The following USP33 variants were observed in gnomAD, a reference collection of about 807,000 sequenced individuals.
USP33 encodes ubiquitin specific peptidase 33.
In USP33, 46 loss-of-function variants were observed where a neutral mutation model predicts 124.2. The ratio of observed to expected loss-of-function variants is 0.37; its 90% confidence interval spans 0.29 to 0.47. The LOEUF (loss-of-function observed/expected upper bound fraction) is 0.47, where lower values mean the gene tolerates loss of function less well. USP33 is among the 20% of genes least tolerant of loss of function. The pLI is 0.99. For synonymous variants in USP33, 350 were observed against 352.3 expected (o/e 0.99, Z 0.07); for missense variants, 851 against 1,070.6 (o/e 0.79, Z 2.86).
At chr1:77,705,135 G>A (rs1419006702) in intron 21 of USP33, among the ~76,000 whole-genome samples, 4 of 146,012 alleles carry the variant, frequency 2.7e-5, no homozygotes, top group Admixed American at 2.7e-4. Context: ...AAAGGGGGGG[G>A]GCTGAATAAA....
At chr1:77,721,724 T>C in intron 14 of USP33, 107 bp downstream of exon 14, 1 of 976,054 alleles carries the variant, frequency 1.0e-6, no homozygotes, top group East Asian at 2.7e-5. Flanking sequence ...GAATGTACTA[T>C]TAAGCTGTCT....
At chr1:77,723,215 G>A (rs1256823148) in intron 12 of USP33, 116 bp downstream of exon 12, 1 of 793,636 alleles carries the variant, frequency 1.3e-6, no homozygotes, top group East Asian at 2.7e-5. Context: ...CACAATAAAT[G>A]CATGTATGCT....
At chr1:77,741,548 A>G in intron 2 of USP33, 69 bp downstream of exon 2, 2 of 1,544,328 alleles carry the variant, frequency 1.3e-6, no homozygotes, top group South Asian at 2.5e-5. Context: ...TATTACAGTA[A>G]TTTATGAAAA....
chr1:77,725,554 A>G (rs1677064927), intron 11 of USP33, 68 bp downstream of exon 11: 2 of 1,518,586 alleles, frequency 1.3e-6, no homozygotes, highest in Admixed American at 4.3e-5. Flanking sequence ...TTAAATTATC[A>G]AGTACCAAAA....
chr1:77,698,068 CTT>C (rs371568762), intron 22 of USP33, 137 bp from the exon 23 acceptor site: 8,142 of 417,864 alleles, frequency 0.019, no homozygotes, highest in South Asian at 0.028. Context: ...ATAGTTAATT[CTT>C]TTTTTTTTTT....
intron 22 of USP33, 71 bp from the exon 23 acceptor site, chr1:77,698,002 C>G: frequency 7.9e-7 from 1 of 1,267,264 alleles, no homozygotes; most frequent in Middle Eastern, 2.2e-4. Context: ...TTGTGCTTGA[C>G]AAAATTGTGA....
rs371383047 is a variant in USP33 at position 77,725,740 on chromosome 1, C to G, written c.1158G>C (p.Ser386=). 6.2e-7 allele frequency: 1 copy of G among 1,612,822 alleles called. No individual in the cohort carries two copies. The highest frequency in any genetic ancestry group is 1.7e-5 in the Admixed American group (1 of 59,802). The change falls in exon 11 of 24, where the codon TCG becomes TCC. Residue 386 remains serine (S), a synonymous_variant. Transcript: ENST00000370794. The part of the protein sequence containing the change: ...RASEYITDVH[S]NDLSTPQILP... ...GGATCTGTGGTGTAGACAGGTCATT[C>G]GAATGGACATCAGTGATATATTCTG... is the stretch of plus-strand genomic sequence containing the variant.
At chr1:77,706,029 T>A (rs1436642538) in intron 21 of USP33, among the ~76,000 whole-genome samples, 1 of 152,234 alleles carries the variant, frequency 6.6e-6, no homozygotes, top group African/African-American at 2.4e-5. Context: ...TATACAACTA[T>A]AACACATTTT....
intron 21 of USP33, among the ~76,000 whole-genome samples, chr1:77,702,369 T>C (rs561801859): frequency 2.0e-5 from 3 of 152,268 alleles, no homozygotes; most frequent in East Asian, 1.9e-4. Flanking sequence ...AAAAATCTAA[T>C]GTGTAAACTT....
chr1:77,757,343 G>T (rs868833057), intron 1 of USP33, among the ~76,000 whole-genome samples: 9 of 152,128 alleles, frequency 5.9e-5, no homozygotes, highest in South Asian at 2.1e-4. Flanking sequence ...TCAAAATATT[G>T]ACCTAACTTA....
At chr1:77,753,891 G>A (rs987593552) in intron 1 of USP33, among the ~76,000 whole-genome samples, 2 of 151,542 alleles carry the variant, frequency 1.3e-5, no homozygotes, top group African/African-American at 2.4e-5. Context: ...GGGTGATATA[G>A]TAAGTACTCA....
At chr1:77,748,786 C>CT (rs1553201473) in intron 1 of USP33, among the ~76,000 whole-genome samples, 1 of 82,236 alleles carries the variant, frequency 1.2e-5, no homozygotes, top group South Asian at 5.0e-4. Context: ...CCCTCCCCCC[C>CT]CCCCCCGTGC....
rs1676211925 is a variant in USP33 at position 77,718,792 on chromosome 1, G to A, written c.1692-151C>T. The A allele has an allele frequency of 2.4e-5, 14 of 593,372 alleles. No homozygotes were observed. The South Asian group carries it at 2.9e-4, about 12-fold the overall frequency. The allele number at this position is 593,372 out of a possible 1,614,324, so 36.8% of individuals were successfully genotyped here. Reference sequence around the variant, plus strand: ...TAAAAATACAAAATTAGCCAGGCATGGTGGCACATGCCTGTAGTCCCAGAT... The same window carrying A: ...TAAAAATACAAAATTAGCCAGGCATAGTGGCACATGCCTGTAGTCCCAGAT... On this transcript the variant is annotated intron_variant, in intron 15 of 23. Transcript: ENST00000370794.
intron 16 of USP33, 119 bp from the exon 17 acceptor site, chr1:77,718,166 T>C: frequency 1.2e-6 from 1 of 861,914 alleles, no homozygotes; most frequent in Non-Finnish European, 1.7e-6. Context: ...TTCAATCAAA[T>C]TACAATTATG....
chr1:77,713,760 C>G (rs998233443), intron 19 of USP33, among the ~76,000 whole-genome samples: 1 of 152,066 alleles, frequency 6.6e-6, no homozygotes, highest in African/African-American at 2.4e-5. Context: ...GACCATGGCT[C>G]ACTGCAACCT....
At chr1:77,739,669 G>A (rs188846686) in intron 4 of USP33, among the ~76,000 whole-genome samples, 179 of 152,232 alleles carry the variant, frequency 1.2e-3, no homozygotes, top group Middle Eastern at 3.4e-3. Flanking sequence ...AAAGATAAAC[G>A]CAAGAGTGTA....
At position 77,758,207 on chromosome 1, in the gene USP33, G is replaced by A. The variant is rs1388706331; in HGVS notation, c.-52+1436C>T. ...TTTTTTTTTTTTTTTTTGAGACAGA[G>A]TCTCGCTCTGCTGCCCAGGCTGGAG... On this transcript the variant is annotated intron_variant, in intron 1 of 23. Coordinates refer to ENST00000370794, the MANE Select transcript of USP33 (RefSeq NM_201624.3). Among the ~76,000 whole-genome samples, 5 of 118,200 alleles carry A rather than the reference G, an allele frequency of 4.2e-5. No homozygotes were observed. The South Asian group carries it at 1.5e-3, about 35-fold the overall frequency. The allele number at this position is 118,200 out of a possible 152,430, so 77.5% of individuals were successfully genotyped here.
intron 23 of USP33, 125 bp from the exon 24 acceptor site, chr1:77,697,599 C>A: frequency 8.7e-7 from 1 of 1,148,362 alleles, no homozygotes; most frequent in Non-Finnish European, 1.2e-6. Context: ...CATGAATCTG[C>A]AGACTACCAG....
chr1:77,709,994 G>GT (rs1675071084), intron 21 of USP33, among the ~76,000 whole-genome samples: 1 of 151,830 alleles, frequency 6.6e-6, no homozygotes, highest in Non-Finnish European at 1.5e-5. Context: ...GTACAGTTTA[G>GT]TTTTCTCCTT....
Sources: allele counts gnomAD v4.1 joint callset (sites outside exome capture counted in the v4.1 genomes callset), GRCh38; gene constraint gnomAD v4.1.1; transcripts MANE v1.5; gene names NCBI Gene and HGNC (gene_info 2026-07-23, HGNC 2026-07-21).